The following DCTN6 variants were observed in gnomAD, a reference collection of about 807,000 sequenced individuals.
DCTN6 encodes the protein dynactin 6.
DCTN6 carries 15 observed loss-of-function variants against 25.8 expected under a neutral mutation model. That is an observed-to-expected ratio of 0.58 (90% CI 0.39 to 0.89). The LOEUF is 0.89. DCTN6 is among the 40% of genes least tolerant of loss of function. DCTN6 has a pLI of 0.00. For synonymous variants in DCTN6, 64 were observed against 78.3 expected (o/e 0.82, Z 0.96); for missense variants, 198 against 237.6 (o/e 0.83, Z 1.09).
intron 3 of DCTN6, among the ~76,000 whole-genome samples, chr8:30,176,115 G>A (rs761411772): frequency 6.6e-6 from 1 of 152,216 alleles, no homozygotes; most frequent in African/African-American, 2.4e-5. Context: ...AATCCCAAAT[G>A]ATTATTAAGG....
At chr8:30,175,240 T>C in intron 3 of DCTN6, 50 bp downstream of exon 3, 3 of 1,529,724 alleles carry the variant, frequency 2.0e-6, no homozygotes, top group African/African-American at 1.4e-5. Context: ...TAACGGTTTT[T>C]CTTAATTTCA....
chr8:30,183,016 T>G, intron 6 of DCTN6, 59 bp from the exon 7 acceptor site: 1 of 1,442,512 alleles, frequency 6.9e-7, no homozygotes, highest in Non-Finnish European at 9.8e-7. Context: ...GCCTGGTTGC[T>G]GTGTGGTACT....
chr8:30,169,746 G>A (rs924321868), intron 2 of DCTN6, among the ~76,000 whole-genome samples: 20 of 152,326 alleles, frequency 1.3e-4, no homozygotes, highest in African/African-American at 4.3e-4. Flanking sequence ...CCGTGGCCAC[G>A]TTTCAGTGTG....
At chr8:30,176,533 C>CA (rs71281739) in intron 3 of DCTN6, 22,077 of 150,170 alleles carry the variant, frequency 0.15, 1,907 homozygotes, top group East Asian at 0.26. Context: ...GACTCCGTCT[C>CA]AAAAAAAAAT....
chr8:30,165,344 A>G (rs550872897), intron 2 of DCTN6, among the ~76,000 whole-genome samples: 7 of 152,042 alleles, frequency 4.6e-5, no homozygotes, highest in African/African-American at 1.4e-4. Context: ...CAGCAGCCGC[A>G]TGTCACCTGT....
chr8:30,163,464 C>T (rs1294912069), intron 1 of DCTN6, among the ~76,000 whole-genome samples: 1 of 152,048 alleles, frequency 6.6e-6, no homozygotes, highest in African/African-American at 2.4e-5. Flanking sequence ...TTTTTGATGG[C>T]CATGTAATAG....
At chr8:30,181,794 G>A (rs897673841) in intron 6 of DCTN6, among the ~76,000 whole-genome samples, 2 of 151,778 alleles carry the variant, frequency 1.3e-5, no homozygotes, top group African/African-American at 4.8e-5. Flanking sequence ...GGAGGCTGAG[G>A]TGGGAGGATC....
intron 5 of DCTN6, among the ~76,000 whole-genome samples, chr8:30,180,086 T>A (rs1803892205): frequency 6.6e-6 from 1 of 152,264 alleles, no homozygotes; most frequent in Non-Finnish European, 1.5e-5. Flanking sequence ...TTTATTTTAA[T>A]TTGGATTATC....
rs150950838 is a variant in DCTN6, at chr8:30,175,098, G to A, written c.102G>A (p.Val34=). The A allele has an allele frequency of 1.2e-5, 20 of 1,613,944 alleles. No homozygotes were observed. Among genetic ancestry groups the A allele is most frequent in the Non-Finnish European group, 1.7e-5 (20 of 1,180,018 alleles). Residue 34 remains valine, a synonymous_variant, in exon 3 of 7, where the codon GTG becomes GTA. Coordinates refer to ENST00000221114, the MANE Select transcript of DCTN6 (RefSeq NM_006571.4). ...TATTTTTAACAGGACCTCGGACAGT[G>A]ATCCACCCTAAAGCAAGAATTATTG... is the stretch of plus-strand genomic sequence containing the variant. The part of the protein sequence containing the change: ...RGDVTIGPRT[V]IHPKARIIAE...
At chr8:30,174,030 G>A (rs940140977) in intron 2 of DCTN6, among the ~76,000 whole-genome samples, 1 of 152,156 alleles carries the variant, frequency 6.6e-6, no homozygotes, top group Non-Finnish European at 1.5e-5. Context: ...GGCTCAGGGC[G>A]GGGTAGACCG....
chr8:30,180,228 T>C (rs1803893860), intron 5 of DCTN6, among the ~76,000 whole-genome samples: 1 of 152,216 alleles, frequency 6.6e-6, no homozygotes, highest in Non-Finnish European at 1.5e-5. Flanking sequence ...CTTTGTTTTA[T>C]AGATGAACTT....
chr8:30,179,570 C>T (rs1369744717), intron 5 of DCTN6, 115 bp downstream of exon 5: 12 of 787,822 alleles, frequency 1.5e-5, no homozygotes, highest in Admixed American at 1.3e-4. Context: ...AAGTGGGCTA[C>T]AATAGCTGGC....
chr8:30,170,199 C>A (rs1803745052), intron 2 of DCTN6, among the ~76,000 whole-genome samples: 1 of 151,694 alleles, frequency 6.6e-6, no homozygotes, highest in Admixed American at 6.6e-5. Context: ...GTTCACCAAA[C>A]CAAAATCTAG....
intron 1 of DCTN6, among the ~76,000 whole-genome samples, chr8:30,160,822 C>T (rs1050282032): frequency 6.6e-6 from 1 of 152,176 alleles, no homozygotes; most frequent in African/African-American, 2.4e-5. Context: ...CCCACAGATA[C>T]TGGGTACTGA....
chr8:30,171,732 T>C (rs1276994913), intron 2 of DCTN6, among the ~76,000 whole-genome samples: 4 of 152,204 alleles, frequency 2.6e-5, no homozygotes, highest in Admixed American at 1.3e-4. Context: ...AATTAGTTAT[T>C]TTGCTTACTA....
In DCTN6 at chr8:30,168,903, T is replaced by C. The variant is rs552506087; in HGVS notation, c.88+4728T>C. Among the ~76,000 whole-genome samples the C allele has an allele frequency of 4.6e-5, 7 of 152,362 alleles. No individual in the cohort carries two copies. The South Asian group carries it at 1.5e-3, about 32-fold the overall frequency. On this transcript the variant is annotated intron_variant, in intron 2 of 6. Transcript: ENST00000221114. ...GGTTTCATAGCATCAAGCCTATTTT[T>C]AGTTAGTCTGCCTTAATTCATGGCC...
chr8:30,178,135 T>G (rs1803865861), intron 4 of DCTN6, among the ~76,000 whole-genome samples: 1 of 152,098 alleles, frequency 6.6e-6, no homozygotes, highest in African/African-American at 2.4e-5. Context: ...CTAGAATGTC[T>G]CCAGTTCTTT....
chr8:30,157,932 A>G (rs144257143), intron 1 of DCTN6, among the ~76,000 whole-genome samples: 16 of 151,924 alleles, frequency 1.1e-4, no homozygotes, highest in Non-Finnish European at 2.1e-4. Context: ...AGATAGCAGT[A>G]GATAGTAGCT....
At chr8:30,167,099 AAGGAAG>A (rs961010309) in intron 2 of DCTN6, among the ~76,000 whole-genome samples, 1 of 151,514 alleles carries the variant, frequency 6.6e-6, no homozygotes, top group East Asian at 1.9e-4. Flanking sequence ...GAAGAAAGGA[AAGGAAG>A]AGAAAGAGAA....
Sources: gnomAD v4.1 joint callset for allele counts (sites outside exome capture counted in the v4.1 genomes callset) on GRCh38, gnomAD v4.1.1 for gene constraint, MANE v1.5 for transcripts, NCBI Gene and HGNC (gene_info 2026-07-23, HGNC 2026-07-21) for gene names.